The following SHC3 variants were observed in gnomAD, a reference collection of about 807,000 sequenced individuals.
SHC3 encodes the protein SHC-transforming protein 3.
A neutral mutation model predicts 60.4 loss-of-function variants in SHC3; 15 were observed. That is an observed-to-expected ratio of 0.25 (90% CI 0.17 to 0.38). The LOEUF is 0.38. Among genes scored for constraint, SHC3 ranks in the 10% least tolerant of loss-of-function variants. The pLI, the probability that SHC3 is intolerant of heterozygous loss-of-function variation, is 1.00. For synonymous variants in SHC3, 294 were observed against 325.9 expected (o/e 0.90, Z 1.05); for missense variants, 677 against 786.1 (o/e 0.86, Z 1.66).
intron 1 of SHC3, among the ~76,000 whole-genome samples, chr9:89,115,538 AT>A (rs1826007904): frequency 6.6e-6 from 1 of 152,148 alleles, no homozygotes; most frequent in African/African-American, 2.4e-5. Context: ...AAATACCATC[AT>A]CAGCAATGTC....
At chr9:89,115,755 C>G (rs955012560) in intron 1 of SHC3, among the ~76,000 whole-genome samples, 16 of 152,108 alleles carry the variant, frequency 1.1e-4, no homozygotes, top group African/African-American at 3.1e-4. Context: ...GTGTGAACAC[C>G]ATGAGTAATG....
intron 1 of SHC3, among the ~76,000 whole-genome samples, chr9:89,122,674 T>C (rs79558044): frequency 1.1e-3 from 171 of 152,340 alleles, no homozygotes; most frequent in African/African-American, 4.0e-3. Flanking sequence ...GTCAGCCAGA[T>C]TCATGGGAAA....
At chr9:89,162,434 T>C (rs1014854451) in intron 1 of SHC3, among the ~76,000 whole-genome samples, 7 of 152,174 alleles carry the variant, frequency 4.6e-5, no homozygotes, top group African/African-American at 1.4e-4. Context: ...TCAGAAATAA[T>C]GCCGCATATC....
intron 11 of SHC3, among the ~76,000 whole-genome samples, chr9:89,032,116 C>A (rs1234810326): frequency 6.6e-6 from 1 of 152,100 alleles, no homozygotes; most frequent in African/African-American, 2.4e-5. Flanking sequence ...ACTTGGCATG[C>A]GGGGGACTGA....
intron 5 of SHC3, among the ~76,000 whole-genome samples, chr9:89,066,375 A>G (rs2117981228): frequency 6.6e-6 from 1 of 152,324 alleles, no homozygotes; most frequent in Non-Finnish European, 1.5e-5. Flanking sequence ...GGACATAAAT[A>G]ATGATCTTAA....
chr9:89,155,829 C>T (rs1479972993), intron 1 of SHC3, among the ~76,000 whole-genome samples: 1 of 152,184 alleles, frequency 6.6e-6, no homozygotes, highest in Non-Finnish European at 1.5e-5. Flanking sequence ...CTGTCTCTAA[C>T]ACAAGAAATT....
chr9:89,087,018 C>T (rs1195402455), intron 2 of SHC3, among the ~76,000 whole-genome samples: 1 of 152,152 alleles, frequency 6.6e-6, no homozygotes, highest in East Asian at 1.9e-4. Context: ...GCACGTCCTC[C>T]TCACTACCGT....
intron 7 of SHC3, 134 bp downstream of exon 7, chr9:89,051,903 C>G (rs1215870361): frequency 7.7e-7 from 1 of 1,296,232 alleles, no homozygotes; most frequent in East Asian, 2.5e-5. Flanking sequence ...CCAGCACCGA[C>G]CAGGTGTCTC....
At position 89,010,009 on chromosome 9, in the gene SHC3, C is replaced by T. The variant is rs1203534568; in HGVS notation, c.*3438G>A. 2.0e-5 allele frequency: 3 copies of T among 152,222 alleles called. No individual in the cohort carries two copies. Among genetic ancestry groups the T allele is most frequent in the Non-Finnish European group, 2.9e-5 (2 of 68,044 alleles). 9.4% of individuals were successfully genotyped at this position (152,222 alleles called of 1,614,324 possible). ...AGGGTCCACCCTTCCCTAGGCCTGT[C>T]CTTCCTTTTAAGTTAGGACTTTACC... On this transcript the variant is annotated 3_prime_UTR_variant, in exon 12 of 12. Coordinates refer to ENST00000375835, the MANE Select transcript of SHC3 (RefSeq NM_016848.6).
chr9:89,029,068 A>G (rs1824427760), intron 11 of SHC3, among the ~76,000 whole-genome samples: 1 of 151,390 alleles, frequency 6.6e-6, no homozygotes, highest in Non-Finnish European at 1.5e-5. Context: ...ATAAGTTTGT[A>G]TGATAGTCAA....
At chr9:89,164,268 A>G (rs1451431350) in intron 1 of SHC3, among the ~76,000 whole-genome samples, 1 of 152,110 alleles carries the variant, frequency 6.6e-6, no homozygotes, top group Non-Finnish European at 1.5e-5. Flanking sequence ...AAGGCTACAG[A>G]GCTCTGGAGA....
intron 2 of SHC3, among the ~76,000 whole-genome samples, chr9:89,083,285 C>T (rs2118032465): frequency 6.6e-6 from 1 of 152,324 alleles, no homozygotes; most frequent in Non-Finnish European, 1.5e-5. Flanking sequence ...GCAAAGAAGC[C>T]TCAATGCCAA....
chr9:89,119,337 C>G (rs989409456), intron 1 of SHC3, among the ~76,000 whole-genome samples: 7 of 152,004 alleles, frequency 4.6e-5, no homozygotes, highest in Non-Finnish European at 1.0e-4. Context: ...CCCAATACCT[C>G]TAATTACAAT....
At position 89,006,640 on chromosome 9, in the gene SHC3, A is replaced by G. The variant is rs552909994; in HGVS notation, c.*6807T>C. 1.3e-5 allele frequency: 2 copies of G among 152,254 alleles called. No homozygotes were observed. The highest frequency in any genetic ancestry group is 2.9e-5 in the Non-Finnish European group (2 of 68,044). 9.4% of individuals were successfully genotyped at this position (152,254 alleles called of 1,614,324 possible). On this transcript the variant is annotated 3_prime_UTR_variant, in exon 12 of 12. Transcript: ENST00000375835. ...CTTTTTAAAAAGTTATTATCTTATT[A>G]TTACACATTAAATTTACATGGAGTT... is the stretch of plus-strand genomic sequence containing the variant.
At chr9:89,044,242 A>C (rs575432484) in intron 9 of SHC3, among the ~76,000 whole-genome samples, 1 of 152,182 alleles carries the variant, frequency 6.6e-6, no homozygotes, top group Non-Finnish European at 1.5e-5. Context: ...TAAATAGCCC[A>C]TAATGAAAAT....
intron 6 of SHC3, among the ~76,000 whole-genome samples, chr9:89,057,348 G>GT (rs138459416): frequency 0.055 from 7,645 of 139,098 alleles, 263 homozygotes; most frequent in Middle Eastern, 0.095. Context: ...TCAGAGAAGA[G>GT]TAAGAAATCC....
chr9:89,064,348 C>G (rs937585351), intron 6 of SHC3, among the ~76,000 whole-genome samples: 2 of 152,138 alleles, frequency 1.3e-5, no homozygotes, highest in Admixed American at 1.3e-4. Flanking sequence ...CACAGTATCA[C>G]CACATGCAAA....
At chr9:89,134,821 A>G (rs1826296780) in intron 1 of SHC3, among the ~76,000 whole-genome samples, 1 of 152,116 alleles carries the variant, frequency 6.6e-6, no homozygotes, top group Non-Finnish European at 1.5e-5. Context: ...GTTTATTAAT[A>G]TCAAGCAGAA....
At chr9:89,117,924 C>T (rs1826039979) in intron 1 of SHC3, among the ~76,000 whole-genome samples, 1 of 152,122 alleles carries the variant, frequency 6.6e-6, no homozygotes, top group Non-Finnish European at 1.5e-5. Flanking sequence ...CCATTTATTC[C>T]TGAACTGAGG....
Sources: allele counts gnomAD v4.1 joint callset (sites outside exome capture counted in the v4.1 genomes callset), GRCh38; gene constraint gnomAD v4.1.1; transcripts MANE v1.5; gene names NCBI Gene and HGNC (gene_info 2026-07-23, HGNC 2026-07-21).